The following NR2E1 variants were observed in gnomAD, a reference collection of about 807,000 sequenced individuals.
NR2E1 encodes the protein nuclear receptor subfamily 2 group E member 1, also known as nuclear receptor TLX.
NR2E1 carries 5 observed loss-of-function variants against 43.6 expected under a neutral mutation model. The ratio of observed to expected loss-of-function variants is 0.11; its 90% CI spans 0.06 to 0.24. The LOEUF is 0.24. Among genes scored for constraint, NR2E1 ranks in the 10% least tolerant of loss-of-function variants. NR2E1 has a pLI of 1.00. For synonymous variants in NR2E1, 191 were observed against 195.5 expected (o/e 0.98, Z 0.19); for missense variants, 287 against 496.7 (o/e 0.58, Z 4.01).
chr6:108,169,607 CG>C lies in NR2E1; in HGVS notation c.26-1850del, dbSNP rs2114670400. 6.6e-6 allele frequency among the ~76,000 whole-genome samples: 1 copy of C among 152,246 alleles called. No individual in the cohort carries two copies. Among genetic ancestry groups the C allele is most frequent in the East Asian group, 1.9e-4 (1 of 5,164 alleles). On this transcript the variant is annotated intron_variant, in intron 1 of 8. Transcript: ENST00000368986. This position sits in a 1 kb window ranked among gnomAD's most constrained non-coding sequence, Gnocchi z 6.1. ...TGTAAGATATGGAAACCAAGTTTAC[CG>C]CTTCCAGAGTGAGTGCAGTGCAGCG...
rs1420896146 is a variant in NR2E1, at chr6:108,169,551, G to C, written c.26-1907G>C. Among the ~76,000 whole-genome samples the C allele has an allele frequency of 6.6e-6, 1 of 152,210 alleles. No individual in the cohort carries two copies. Among genetic ancestry groups the C allele is most frequent in the Admixed American group, 6.5e-5 (1 of 15,290 alleles). On this transcript the variant is annotated intron_variant, in intron 1 of 8. Coordinates refer to ENST00000368986, the MANE Select transcript of NR2E1 (RefSeq NM_003269.5). This position sits in a 1 kb window ranked among gnomAD's most constrained non-coding sequence, Gnocchi z 6.1. ...GGCCCCAAACGTGGACCCTGGAGCG[G>C]TCAGAGGGCGCGTGTTAAGCAGAGG...
chr6:108,177,496 T>G (rs1773919177), intron 4 of NR2E1, among the ~76,000 whole-genome samples: 1 of 152,204 alleles, frequency 6.6e-6, no homozygotes, highest in Admixed American at 6.5e-5. Flanking sequence ...AGCCCCACAC[T>G]GCAGGGAAGC....
Position 108,166,688 on chromosome 6 carries a change from G to A in NR2E1, c.-78G>A. On this transcript the variant is annotated 5_prime_UTR_variant, in exon 1 of 9. Coordinates refer to ENST00000368986, the MANE Select transcript of NR2E1 (RefSeq NM_003269.5). This position sits in a 1 kb window ranked among gnomAD's most constrained non-coding sequence, Gnocchi z 7.2. ...GCTGGAGGGCAGCTGGAGAGCGGCG[G>A]CGCCCGGCGGCGAGGCGGGCGCTGC... 1 of 1,273,520 alleles carries A rather than the reference G, an allele frequency of 7.9e-7. No homozygotes were observed. 78.9% of individuals were successfully genotyped at this position (1,273,520 alleles called of 1,614,324 possible).
chr6:108,180,956 G>C lies in NR2E1; in HGVS notation c.889G>C (p.Val297Leu). Residue 297 changes from valine to leucine, a missense_variant and splice_region_variant, in exon 7 of 9, where the codon GTT becomes CTT. This residue lies in a region of NR2E1 where 119 missense variants were observed against 187.0 expected (regional missense o/e 0.64). Transcript: ENST00000368986. This position sits in a 1 kb window ranked among gnomAD's most constrained non-coding sequence, Gnocchi z 5.4. ...CLKCIVTFKA[V>L]PTHSGSELRS... Reference sequence around the variant, plus strand: ...AAAATGCATCGTCACTTTCAAAGCCGGTAAGCAGACACAGACCCCTGTTTC... The same window carrying C: ...AAAATGCATCGTCACTTTCAAAGCCCGTAAGCAGACACAGACCCCTGTTTC... The C allele has an allele frequency of 6.2e-7, 1 of 1,614,054 alleles. No individual in the cohort carries two copies. The highest frequency in any genetic ancestry group is 8.5e-7 in the Non-Finnish European group (1 of 1,180,014).
Position 108,171,439 on chromosome 6 carries a change from G to A in NR2E1, c.26-19G>A. 3 of 1,612,564 alleles carry A rather than the reference G, an allele frequency of 1.9e-6. No individual in the cohort carries two copies. The highest frequency in any genetic ancestry group is 1.7e-6 in the Non-Finnish European group (2 of 1,179,684). On this transcript the variant is annotated intron_variant, in intron 1 of 8. Coordinates refer to ENST00000368986, the MANE Select transcript of NR2E1 (RefSeq NM_003269.5). ...CCTCTCGCCCCTTCCCCCCTTCCCC[G>A]TCTTTCCTGCGATTTCAGGCCGCAT...
rs1277869998 is a variant in NR2E1, at chr6:108,168,178, T to C, written c.25+1388T>C. ...TCTCCAGGAGGTAAAGCGACCTCGA[T>C]TTTTGTTGCCCGCATTCCCGGGCGT... On this transcript the variant is annotated intron_variant, in intron 1 of 8. Coordinates refer to ENST00000368986, the MANE Select transcript of NR2E1 (RefSeq NM_003269.5). The C allele has an allele frequency of 8.9e-6, 14 of 1,569,146 alleles. No individual in the cohort carries two copies. In the Middle Eastern group the frequency reaches 1.9e-3, roughly 210 times the overall value.
At chr6:108,175,221 T>A (rs953694997) in intron 3 of NR2E1, among the ~76,000 whole-genome samples, 3 of 152,226 alleles carry the variant, frequency 2.0e-5, no homozygotes, top group Non-Finnish European at 4.4e-5. Context: ...GCGCGCATTT[T>A]CTGCCTCCGG....
chr6:108,175,602 G>C (rs1773882865), intron 3 of NR2E1, among the ~76,000 whole-genome samples: 1 of 152,224 alleles, frequency 6.6e-6, no homozygotes, highest in Admixed American at 6.5e-5. Context: ...CCTGGGCCTG[G>C]AGCACGGTCC....
chr6:108,171,753 C>A, intron 2 of NR2E1, 150 bp downstream of exon 2: 1 of 1,021,938 alleles, frequency 9.8e-7, no homozygotes, highest in Non-Finnish European at 1.5e-6. Context: ...TGCCTCAACT[C>A]TTGGAGGCCC....
intron 8 of NR2E1, among the ~76,000 whole-genome samples, chr6:108,185,931 T>C (rs373784817): frequency 6.6e-5 from 10 of 152,238 alleles, no homozygotes; most frequent in Non-Finnish European, 8.8e-5. Context: ...ATGTTCAGCA[T>C]GTTGGGTGGA....
Position 108,169,187 on chromosome 6 carries a change from G to T in NR2E1, c.26-2271G>T, listed in dbSNP as rs905846932. ...AGGCCCGCTATGCCCCGGAATTTTC[G>T]CGTCCCTCCCTCCTGGGCCCCGCCC... On this transcript the variant is annotated intron_variant, in intron 1 of 8. Coordinates refer to ENST00000368986, the MANE Select transcript of NR2E1 (RefSeq NM_003269.5). The surrounding 1 kb of genome is among the most constrained non-coding windows in gnomAD (Gnocchi z 6.1). Among the ~76,000 whole-genome samples, 1 of 152,132 alleles carries T rather than the reference G, an allele frequency of 6.6e-6. No homozygotes were observed. The highest frequency in any genetic ancestry group is 2.4e-5 in the African/African-American group (1 of 41,434).
chr6:108,178,324 T>C (rs1259061966), intron 5 of NR2E1, 83 bp downstream of exon 5: 5 of 1,462,494 alleles, frequency 3.4e-6, no homozygotes, highest in Non-Finnish European at 3.8e-6. Context: ...CCTCTATCCC[T>C]GGGTAAACCA....
At chr6:108,174,049 C>T (rs534731016) in intron 2 of NR2E1, among the ~76,000 whole-genome samples, 1 of 152,278 alleles carries the variant, frequency 6.6e-6, no homozygotes, top group East Asian at 1.9e-4. Context: ...CTTCCTGGTC[C>T]TGTTTACATG....
rs1212977185 is a variant in NR2E1 at position 108,187,757 on chromosome 6, C to T, written c.*294C>T. On this transcript the variant is annotated 3_prime_UTR_variant, in exon 9 of 9. Transcript: ENST00000368986. ...GGTTGCCACAGGCCGTGCCATTCTGCCTCTTACCTGGAAGATCAGGCTGAA... is the reference window on the plus strand; with the variant it reads ...GGTTGCCACAGGCCGTGCCATTCTGTCTCTTACCTGGAAGATCAGGCTGAA... The T allele has an allele frequency of 1.7e-5, 7 of 419,956 alleles. No homozygotes were observed. The highest frequency in any genetic ancestry group is 2.2e-5 in the Non-Finnish European group (5 of 223,074). 26.0% of individuals were successfully genotyped at this position (419,956 alleles called of 1,614,324 possible). A position where few individuals can be genotyped will look rare whatever the true frequency, so the allele number is the denominator to read the frequency against.
rs1240401253 is a variant in NR2E1, at chr6:108,182,555, A to ATTT, written c.995+923_995+925dup. On this transcript the variant is annotated intron_variant, in intron 8 of 8. Coordinates refer to ENST00000368986, the MANE Select transcript of NR2E1 (RefSeq NM_003269.5). ...AGGTGCATGCCACCACACCCAGCTA[A>ATTT]TTTTTTTTTTTTTTTTTTTTTGAGA... 3.1e-4 allele frequency among the ~76,000 whole-genome samples: 38 copies of ATTT among 122,900 alleles called. 2 individuals carry two copies. Among genetic ancestry groups the ATTT allele is most frequent in the African/African-American group, 1.1e-3 (33 of 30,772 alleles). 80.6% of individuals were successfully genotyped at this position (122,900 alleles called of 152,430 possible).
Position 108,166,706 on chromosome 6 carries a change from G to A in NR2E1, c.-60G>A, listed in dbSNP as rs527649900. The A allele has an allele frequency of 1.6e-3, 2,280 of 1,442,928 alleles. 35 individuals are homozygous for A. The African/African-American group carries it at 0.032, about 20-fold the overall frequency. 89.4% of individuals were successfully genotyped at this position (1,442,928 alleles called of 1,614,324 possible). On this transcript the variant is annotated 5_prime_UTR_variant, in exon 1 of 9. Coordinates refer to ENST00000368986, the MANE Select transcript of NR2E1 (RefSeq NM_003269.5). This position sits in a 1 kb window ranked among gnomAD's most constrained non-coding sequence, Gnocchi z 7.2. ...AGCGGCGGCGCCCGGCGGCGAGGCG[G>A]GCGCTGCCGGCCGGGACTCGGGCAG...
chr6:108,171,065 C>T (rs1441243954), intron 1 of NR2E1, among the ~76,000 whole-genome samples: 2 of 152,138 alleles, frequency 1.3e-5, no homozygotes, highest in Non-Finnish European at 2.9e-5. Context: ...TGTCTCCTCG[C>T]GCGCTCACTA....
Position 108,166,881 on chromosome 6 carries a change from C to T in NR2E1, c.25+91C>T, listed in dbSNP as rs920284521. ...GGGGGAGGTCCTGCCTGGAGCGCTG[C>T]GAATCTGAGCCCCTGAGAGGGATTC... is the stretch of plus-strand genomic sequence containing the variant. On this transcript the variant is annotated intron_variant, in intron 1 of 8. Transcript: ENST00000368986. The surrounding 1 kb of genome is among the most constrained non-coding windows in gnomAD (Gnocchi z 7.2). 1.3e-5 allele frequency: 17 copies of T among 1,312,136 alleles called. No homozygotes were observed. Among genetic ancestry groups the T allele is most frequent in the Middle Eastern group, 1.8e-4 (1 of 5,564 alleles). 81.3% of individuals were successfully genotyped at this position (1,312,136 alleles called of 1,614,324 possible).
chr6:108,175,020 C>A lies in NR2E1; in HGVS notation c.259+97C>A. 3.5e-6 allele frequency: 4 copies of A among 1,145,014 alleles called. No individual in the cohort carries two copies. The South Asian group carries it at 5.2e-5, about 15-fold the overall frequency. The allele number at this position is 1,145,014 out of a possible 1,614,324, so 70.9% of individuals were successfully genotyped here. A position where few individuals can be genotyped will look rare whatever the true frequency, so the allele number is the denominator to read the frequency against. ...CACTCCTATGCATGTAAATCAACCC[C>A]GGAGCGCTTCTTTCCAGATGCTGGG... On this transcript the variant is annotated intron_variant, in intron 3 of 8. Coordinates refer to ENST00000368986, the MANE Select transcript of NR2E1 (RefSeq NM_003269.5).
Sources: allele counts gnomAD v4.1 joint callset (sites outside exome capture counted in the v4.1 genomes callset), GRCh38; gene constraint gnomAD v4.1.1; regional missense constraint gnomAD v4.1.1; non-coding constraint Gnocchi (gnomAD v3.1); transcripts MANE v1.5; gene names NCBI Gene and HGNC (gene_info 2026-07-23, HGNC 2026-07-21).